NEBL: variants seen among roughly 807,000 people sequenced by gnomAD.
The protein encoded by NEBL is nebulette.
In NEBL, 122 loss-of-function variants were observed where a neutral mutation model predicts 140.2. The ratio of observed to expected loss-of-function variants is 0.87; its 90% CI spans 0.75 to 1.01. The LOEUF is 1.01. NEBL is among the 50% of genes least tolerant of loss of function. The pLI is 0.00. For missense variants in NEBL, 1,365 were observed against 1,231.3 expected, an observed-to-expected ratio of 1.11 and a Z score of -1.62; for synonymous variants, 436 against 398.9, an observed-to-expected ratio of 1.09 and a Z score of -1.11.
intron 3 of NEBL, among the ~76,000 whole-genome samples, chr10:21,245,958 G>A (rs1338334851): frequency 1.3e-5 from 2 of 152,210 alleles, no homozygotes; most frequent in African/African-American, 4.8e-5. Flanking sequence ...GCCTCCCAGA[G>A]TGCTGGGATT....
At chr10:20,824,693 G>C (rs1839665932) in intron 18 of NEBL, among the ~76,000 whole-genome samples, 1 of 152,180 alleles carries the variant, frequency 6.6e-6, no homozygotes, top group East Asian at 1.9e-4. Flanking sequence ...AGAAGAGGCT[G>C]TGGGATGCTA....
chr10:20,868,603 T>C lies in NEBL; in HGVS notation c.684+61A>G, dbSNP rs2131226650. ...TATTATCTAAAATGCAATATTCTCC[T>C]GTGCTGTTAGAAACAAAATATCTGA... On this transcript the variant is annotated intron_variant, in intron 7 of 27. Coordinates refer to ENST00000377122, the MANE Select transcript of NEBL (RefSeq NM_006393.3). 9 of 1,109,384 alleles carry C rather than the reference T, an allele frequency of 8.1e-6. No homozygotes were observed. The East Asian group carries it at 2.1e-4, about 26-fold the overall frequency. 68.7% of individuals were successfully genotyped at this position (1,109,384 alleles called of 1,614,324 possible). A position where few individuals can be genotyped will look rare whatever the true frequency, so the allele number is the denominator to read the frequency against.
intron 7 of NEBL, among the ~76,000 whole-genome samples, chr10:20,860,561 C>CTAA (rs1338156990): frequency 1.6e-5 from 1 of 61,938 alleles, no homozygotes; most frequent in South Asian, 7.6e-4. Context: ...AAGTTCACTA[C>CTAA]AAAAAGAAAA....
intron 2 of NEBL, among the ~76,000 whole-genome samples, chr10:21,095,840 C>T (rs1354103820): frequency 6.6e-6 from 1 of 152,120 alleles, no homozygotes; most frequent in East Asian, 1.9e-4. Context: ...TCCATGAGTC[C>T]TCTTAGTACT....
chr10:20,979,571 C>T (rs1836947990), intron 3 of NEBL, among the ~76,000 whole-genome samples: 1 of 152,150 alleles, frequency 6.6e-6, no homozygotes, highest in Non-Finnish European at 1.5e-5. Context: ...TTTCAATGTA[C>T]AGAGTAGAAT....
chr10:20,809,916 A>C lies in NEBL; in HGVS notation c.2519-18T>G, dbSNP rs533939107. ...TTTGAGGTCTTTTGCCAAAAGGAAGAAATCAACACTCATCAAGAAGGAATT... is the reference window on the plus strand; with the variant it reads ...TTTGAGGTCTTTTGCCAAAAGGAAGCAATCAACACTCATCAAGAAGGAATT... On this transcript the variant is annotated intron_variant, in intron 24 of 27. Transcript: ENST00000377122. The C allele has an allele frequency of 6.4e-7, 1 of 1,561,512 alleles. No individual in the cohort carries two copies. The highest frequency in any genetic ancestry group is 1.4e-5 in the African/African-American group (1 of 73,962).
At chr10:20,921,237 T>G (rs555029449) in intron 4 of NEBL, among the ~76,000 whole-genome samples, 60 of 152,114 alleles carry the variant, frequency 3.9e-4, no homozygotes, top group African/African-American at 1.4e-3. Context: ...ATTGGAAAAA[T>G]AAGGACAAAT....
At chr10:21,245,975 A>G (rs966621581) in intron 3 of NEBL, among the ~76,000 whole-genome samples, 1 of 152,212 alleles carries the variant, frequency 6.6e-6, no homozygotes, top group Non-Finnish European at 1.5e-5. Context: ...GATTATAGGC[A>G]TGAGCCACCG....
rs1000095731 is a variant in NEBL at position 20,993,949 on chromosome 10, G to A, written c.249+26168C>T. Among the ~76,000 whole-genome samples the A allele has an allele frequency of 7.9e-5, 12 of 152,046 alleles. 1 individual carries two copies. The highest frequency in any genetic ancestry group is 4.1e-4 in the South Asian group (2 of 4,824). On this transcript the variant is annotated intron_variant, in intron 3 of 6. Transcript: ENST00000417816. ...CATCGTCATCTCACCCAAGGGCACCGCACATTACTCATAAAGGTCAGACCA... is the reference window on the plus strand; with the variant it reads ...CATCGTCATCTCACCCAAGGGCACCACACATTACTCATAAAGGTCAGACCA...
chr10:20,885,414 A>G (rs1040261021), intron 4 of NEBL, among the ~76,000 whole-genome samples: 1 of 152,246 alleles, frequency 6.6e-6, no homozygotes, highest in African/African-American at 2.4e-5. Context: ...GACTAATTAC[A>G]ACAATGGAAA....
chr10:20,869,603 G>T (rs1355798814), intron 6 of NEBL, 137 bp downstream of exon 6: 6 of 695,344 alleles, frequency 8.6e-6, no homozygotes, highest in Non-Finnish European at 1.6e-5. Flanking sequence ...AGATAATTTA[G>T]GGGGGGAAAT....
intron 2 of NEBL, among the ~76,000 whole-genome samples, chr10:21,168,235 C>T (rs7071065): frequency 1.5e-3 from 231 of 152,216 alleles, no homozygotes; most frequent in African/African-American, 4.7e-3. Context: ...CCTCAGGTAG[C>T]GATTAAAATG....
intron 3 of NEBL, among the ~76,000 whole-genome samples, chr10:20,977,704 G>C (rs1192831004): frequency 6.6e-6 from 1 of 152,192 alleles, no homozygotes; most frequent in African/African-American, 2.4e-5. Flanking sequence ...AGTGGTGTTA[G>C]CTTGTTCCAA....
At chr10:21,259,525 A>C (rs1257563014) in intron 1 of NEBL, among the ~76,000 whole-genome samples, 1 of 151,910 alleles carries the variant, frequency 6.6e-6, no homozygotes, top group Non-Finnish European at 1.5e-5. Context: ...CAAAAGATCC[A>C]CACCTAGAGA....
intron 3 of NEBL, among the ~76,000 whole-genome samples, chr10:21,019,397 C>T (rs1212232315): frequency 6.6e-6 from 1 of 152,242 alleles, no homozygotes; most frequent in African/African-American, 2.4e-5. Context: ...CTCCCCTCTT[C>T]CGTCCTTACT....
At chr10:20,841,536 C>T (rs1330876706) in intron 12 of NEBL, 1 of 152,318 alleles carries the variant, frequency 6.6e-6, no homozygotes, top group East Asian at 1.9e-4. Context: ...GAATCTATGG[C>T]TCAACATTCA....
chr10:20,829,604 A>C (rs1840212360), intron 16 of NEBL, among the ~76,000 whole-genome samples: 1 of 152,192 alleles, frequency 6.6e-6, no homozygotes, highest in African/African-American at 2.4e-5. Context: ...AAATTAAAAA[A>C]AAAGAAAGGT....
chr10:20,829,598 TA>T (rs200888715), intron 16 of NEBL, among the ~76,000 whole-genome samples: 6,225 of 150,592 alleles, frequency 0.041, 243 homozygotes, highest in East Asian at 0.19. Flanking sequence ...ATAATAAAAT[TA>T]AAAAAAAAGA....
chr10:21,008,729 A>C (rs1267841558), intron 3 of NEBL, among the ~76,000 whole-genome samples: 1 of 152,160 alleles, frequency 6.6e-6, no homozygotes, highest in Non-Finnish European at 1.5e-5. Flanking sequence ...TCCTGTGCCT[A>C]ATTTATAAAT....
Sources: allele counts gnomAD v4.1 joint callset (sites outside exome capture counted in the v4.1 genomes callset), GRCh38; gene constraint gnomAD v4.1.1; transcripts MANE v1.5; gene names NCBI Gene and HGNC (gene_info 2026-07-23, HGNC 2026-07-21).